USP24: variants seen among roughly 807,000 people sequenced by gnomAD.
The protein encoded by USP24 is ubiquitin specific peptidase 24.
Under a neutral mutation model 361.6 loss-of-function variants are expected in USP24, and 97 were observed. That is an observed-to-expected ratio of 0.27 (90% CI 0.23 to 0.32). The LOEUF (loss-of-function observed/expected upper bound fraction) is 0.32, where lower values mean the gene tolerates loss of function less well. USP24 is among the 10% of genes least tolerant of loss of function. USP24 has a pLI of 1.00. For missense variants in USP24, 2,353 were observed against 3,165.6 expected, an observed-to-expected ratio of 0.74 and a Z score of 6.16; for synonymous variants, 1,098 against 1,124.6, an observed-to-expected ratio of 0.98 and a Z score of 0.47.
At chr1:55,214,119 C>T (rs1042543233) in intron 1 of USP24, among the ~76,000 whole-genome samples, 1 of 152,058 alleles carries the variant, frequency 6.6e-6, no homozygotes, top group Admixed American at 6.5e-5. Context: ...GTGCAATCCC[C>T]ACTGCTCTCA....
chr1:55,188,461 T>A (rs1394532140), intron 1 of USP24, among the ~76,000 whole-genome samples: 1 of 151,570 alleles, frequency 6.6e-6, no homozygotes, highest in Non-Finnish European at 1.5e-5. Flanking sequence ...TGATAAAAGA[T>A]TTGCATATAG....
intron 60 of USP24, among the ~76,000 whole-genome samples, chr1:55,079,232 C>G (rs1178156372): frequency 6.6e-6 from 1 of 152,078 alleles, no homozygotes; most frequent in East Asian, 1.9e-4. Context: ...CAGGAACACA[C>G]AAAAGAGATT....
Position 55,214,880 on chromosome 1 carries a change from GCCGTCACCT to G in USP24, c.225_233del (p.Asp77_Gly79del), listed in dbSNP as rs1557721813. The G allele has an allele frequency of 2.4e-6, 3 of 1,226,708 alleles. No homozygotes were observed. The highest frequency in any genetic ancestry group is 1.6e-5 in the African/African-American group (1 of 62,996). The allele number at this position is 1,226,708 out of a possible 1,614,324, so 76.0% of individuals were successfully genotyped here. On this transcript the variant is annotated inframe_deletion, in exon 1 of 68. Coordinates refer to ENST00000294383, the MANE Select transcript of USP24 (RefSeq NM_015306.3). ...CGCCGCGGGAGGGGCCGCCGCCGCC[GCCGTCACCT>G]CCGCCGTCGCCCCGCGGGCCCCCGC...
chr1:55,178,342 G>A (rs565228278), intron 1 of USP24, among the ~76,000 whole-genome samples: 3 of 151,958 alleles, frequency 2.0e-5, no homozygotes, highest in Non-Finnish European at 4.4e-5. Flanking sequence ...CTACTCGCTC[G>A]CTTAGAAGGT....
At chr1:55,086,915 A>T (rs1420523524) in intron 55 of USP24, among the ~76,000 whole-genome samples, 2 of 152,208 alleles carry the variant, frequency 1.3e-5, no homozygotes, top group African/African-American at 4.8e-5. Flanking sequence ...AAACATTTCC[A>T]CAATAAAAGG....
At chr1:55,159,121 G>C in intron 9 of USP24, 85 bp from the exon 10 acceptor site, 2 of 1,186,536 alleles carry the variant, frequency 1.7e-6, no homozygotes, top group South Asian at 5.2e-5. Flanking sequence ...CAAGAATATA[G>C]GGTAACAGTG....
In USP24 at chr1:55,091,904, T is replaced by C. The variant is rs113388908; in HGVS notation, c.6554+119A>G. 8.0e-4 allele frequency: 576 copies of C among 715,976 alleles called. 2 individuals carry two copies. In the African/African-American group the frequency reaches 8.4e-3, roughly 10 times the overall value. 44.4% of individuals were successfully genotyped at this position (715,976 alleles called of 1,614,324 possible). A position where few individuals can be genotyped will look rare whatever the true frequency, so the allele number is the denominator to read the frequency against. Reference sequence around the variant, plus strand: ...TTTCTTAAAGCTAGAGACCATGTCTTAGTCCTCTGAATAAAATTAGGTAGC... The same window carrying C: ...TTTCTTAAAGCTAGAGACCATGTCTCAGTCCTCTGAATAAAATTAGGTAGC... On this transcript the variant is annotated intron_variant, in intron 54 of 67. Coordinates refer to ENST00000294383, the MANE Select transcript of USP24 (RefSeq NM_015306.3).
At chr1:55,193,700 C>T (rs954887624) in intron 1 of USP24, among the ~76,000 whole-genome samples, 1 of 152,094 alleles carries the variant, frequency 6.6e-6, no homozygotes, top group South Asian at 2.1e-4. Context: ...CACCTAGCTG[C>T]TACATGTCAG....
chr1:55,141,617 T>C lies in USP24; in HGVS notation c.2749A>G (p.Arg917Gly). 6.2e-7 allele frequency: 1 copy of C among 1,609,700 alleles called. No homozygotes were observed. Among genetic ancestry groups the C allele is most frequent in the Non-Finnish European group, 8.5e-7 (1 of 1,177,692 alleles). ...TVATSVQSPYRSTKLVIIERL... is the reference protein window; with the variant it reads ...TVATSVQSPYGSTKLVIIERL... ...TATTTTTCACTTCTGATCACTTACC[T>C]ATAAGGAGACTGAACTGAGGTTGCT... The change falls in exon 24 of 68, where the codon AGA (arginine) becomes GGA (glycine). Residue 917 changes from arginine (R) to glycine (G), a missense_variant and splice_region_variant. Arg to Gly is a moderately radical substitution (Grantham distance 125, BLOSUM62 -2). Transcript: ENST00000294383.
chr1:55,112,768 T>A (rs907012189), intron 38 of USP24, among the ~76,000 whole-genome samples: 2 of 152,218 alleles, frequency 1.3e-5, no homozygotes, highest in Non-Finnish European at 2.9e-5. Flanking sequence ...GTTCTGTAGA[T>A]GTCTATTAGG....
rs779551397 is a variant in USP24, at chr1:55,147,668, C to A, written c.2099G>T (p.Gly700Val). The change falls in exon 18 of 68, where the codon GGC becomes GTC. Residue 700 changes from glycine to valine, a missense_variant. By Grantham distance (109) the Gly-to-Val change is moderately radical. Around this residue, in one of 8 missense-constraint regions of USP24, gnomAD observed 949 missense variants for 1,280.5 expected, o/e 0.74. Transcript: ENST00000294383. ...TGATACCTCCCGGTAAGTGTACCGG[C>A]CATCCACTAGTGTCGAGCCACTTAA... is the stretch of plus-strand genomic sequence containing the variant. ...GGLSGSTLVD[G>V]RYTYREYLEA... 2 of 1,609,530 alleles carry A rather than the reference C, an allele frequency of 1.2e-6. No individual in the cohort carries two copies. Among genetic ancestry groups the A allele is most frequent in the Non-Finnish European group, 1.7e-6 (2 of 1,177,906 alleles).
intron 51 of USP24, among the ~76,000 whole-genome samples, chr1:55,094,921 T>C (rs962724647): frequency 6.6e-6 from 1 of 152,078 alleles, no homozygotes; most frequent in Admixed American, 6.6e-5. Context: ...AAGGATCGCT[T>C]CAGCCTGGGA....
At chr1:55,141,003 G>C (rs888506941) in intron 24 of USP24, among the ~76,000 whole-genome samples, 3 of 152,094 alleles carry the variant, frequency 2.0e-5, no homozygotes, top group African/African-American at 7.2e-5. Context: ...ATGTGATTGA[G>C]ACAATGTCAG....
rs564658734 is a variant in USP24 at position 55,096,707 on chromosome 1, C to T, written c.5937-85G>A. 2.8e-4 allele frequency: 423 copies of T among 1,505,344 alleles called. 2 individuals carry two copies. The African/African-American group carries it at 5.0e-3, about 18-fold the overall frequency. 93.2% of individuals were successfully genotyped at this position (1,505,344 alleles called of 1,614,324 possible). The stretch of plus-strand genomic sequence containing the variant: ...AGCATTGATCTCAATGTATTGTCTA[C>T]AAATAAAGCAGGTGTTTACCATTTG... On this transcript the variant is annotated intron_variant, in intron 49 of 67. Coordinates refer to ENST00000294383, the MANE Select transcript of USP24 (RefSeq NM_015306.3).
chr1:55,138,018 C>A, intron 26 of USP24, 114 bp from the exon 27 acceptor site: 1 of 1,016,314 alleles, frequency 9.8e-7, no homozygotes, highest in Non-Finnish European at 1.4e-6. Context: ...GGGAACACAG[C>A]AGAGAACATA....
At chr1:55,114,414 A>C (rs1196741454) in intron 38 of USP24, among the ~76,000 whole-genome samples, 1 of 152,214 alleles carries the variant, frequency 6.6e-6, no homozygotes, top group Non-Finnish European at 1.5e-5. Context: ...TATGGAACCA[A>C]AACAGAACCT....
chr1:55,204,027 TACTAAAAGAAAA>T lies in USP24; in HGVS notation c.324+10751_324+10762del, dbSNP rs575907471. 1.6e-3 allele frequency among the ~76,000 whole-genome samples: 247 copies of T among 152,320 alleles called. 2 individuals carry two copies. The highest frequency in any genetic ancestry group is 2.9e-3 in the Non-Finnish European group (194 of 68,018). Reference sequence around the variant, plus strand: ...GAGGTAGACATCATGAGAAGTGTATTACTAAAAGAAAAACCATTAACATTTTCCAAGTTTTAG... The same window carrying T: ...GAGGTAGACATCATGAGAAGTGTATTACCATTAACATTTTCCAAGTTTTAG... On this transcript the variant is annotated intron_variant, in intron 1 of 67. Transcript: ENST00000294383.
At chr1:55,151,283 A>G (rs1647184849) in intron 16 of USP24, among the ~76,000 whole-genome samples, 1 of 152,236 alleles carries the variant, frequency 6.6e-6, no homozygotes, top group Non-Finnish European at 1.5e-5. Context: ...TCTATCTAGG[A>G]CCACAGCAAA....
At chr1:55,089,774 G>T in intron 54 of USP24, 34 bp from the exon 55 acceptor site, 2 of 1,481,380 alleles carry the variant, frequency 1.4e-6, no homozygotes, top group African/African-American at 1.4e-5. Flanking sequence ...AATGTTAGGA[G>T]CATAAGCCCA....
Sources: allele counts gnomAD v4.1 joint callset (sites outside exome capture counted in the v4.1 genomes callset), GRCh38; gene constraint gnomAD v4.1.1; regional missense constraint gnomAD v4.1.1; transcripts MANE v1.5; gene names NCBI Gene and HGNC (gene_info 2026-07-23, HGNC 2026-07-21).